The following UBAP1 variants were observed in gnomAD, a reference collection of about 807,000 sequenced individuals.
UBAP1 encodes the protein ubiquitin associated protein 1.
In UBAP1, 5 loss-of-function variants were observed where a neutral mutation model predicts 39.0. The observed-to-expected ratio is 0.13, with a 90% confidence interval of 0.07 to 0.27. The LOEUF (loss-of-function observed/expected upper bound fraction) is 0.27. Ranked by LOEUF, UBAP1 falls within the 10% of genes least tolerant of loss-of-function variation. UBAP1 has a pLI of 1.00. For synonymous variants in UBAP1, 211 were observed against 225.1 expected (o/e 0.94, Z 0.56); for missense variants, 490 against 608.1 (o/e 0.81, Z 2.04).
intron 1 of UBAP1, among the ~76,000 whole-genome samples, chr9:34,220,696 C>T (rs1832710553): frequency 3.3e-5 from 5 of 151,960 alleles, no homozygotes; most frequent in African/African-American, 4.8e-5. Flanking sequence ...TTCTTGAGCT[C>T]AAGTGATCCT....
At chr9:34,196,643 CTA>C (rs1831077031) in intron 1 of UBAP1, among the ~76,000 whole-genome samples, 1 of 151,850 alleles carries the variant, frequency 6.6e-6, no homozygotes, top group Admixed American at 6.6e-5. Flanking sequence ...CACGGTCTCA[CTA>C]TGTTGCCCTG....
chr9:34,219,637 A>G (rs1227241088), intron 1 of UBAP1, among the ~76,000 whole-genome samples: 1 of 149,998 alleles, frequency 6.7e-6, no homozygotes, highest in East Asian at 2.0e-4. Flanking sequence ...CCCTAATCTG[A>G]AAAAAATGCC....
intron 2 of UBAP1, among the ~76,000 whole-genome samples, chr9:34,225,892 A>G (rs971331425): frequency 2.0e-5 from 3 of 152,046 alleles, no homozygotes; most frequent in Non-Finnish European, 2.9e-5. Flanking sequence ...ACTCTAATTT[A>G]TGAAAAAATA....
chr9:34,236,140 G>A (rs1323080919), intron 3 of UBAP1, among the ~76,000 whole-genome samples: 7 of 152,060 alleles, frequency 4.6e-5, no homozygotes, highest in East Asian at 1.9e-4. Flanking sequence ...GATTACAAGC[G>A]TGAGCCACTG....
chr9:34,249,754 C>CTTAATCTTCTTG, intron 4 of UBAP1, 25 bp from the exon 5 acceptor site: 1 of 1,611,138 alleles, frequency 6.2e-7, no homozygotes, highest in Non-Finnish European at 8.5e-7. Flanking sequence ...GTCTTCTTGC[C>CTTAATCTTCTTG]TTAATCTTCT....
chr9:34,201,884 TTTAGGTTTAA>T (rs1831393250), intron 1 of UBAP1, among the ~76,000 whole-genome samples: 1 of 152,182 alleles, frequency 6.6e-6, no homozygotes, highest in Non-Finnish European at 1.5e-5. Flanking sequence ...CGGTCCTCTC[TTTAGGTTTAA>T]TTTGCCAGAG....
chr9:34,218,840 G>C (rs1036758320), intron 1 of UBAP1, among the ~76,000 whole-genome samples: 9 of 152,154 alleles, frequency 5.9e-5, no homozygotes, highest in Non-Finnish European at 5.9e-5. Context: ...GGGAAGCTGA[G>C]GCATGAGAAT....
intron 2 of UBAP1, among the ~76,000 whole-genome samples, chr9:34,225,994 A>G (rs776649644): frequency 1.8e-4 from 28 of 152,142 alleles, no homozygotes; most frequent in South Asian, 1.0e-3. Context: ...ACATATTTAC[A>G]TGTTTAATGT....
intron 1 of UBAP1, among the ~76,000 whole-genome samples, chr9:34,202,509 AG>A (rs1488000743): frequency 1.3e-5 from 2 of 151,936 alleles, no homozygotes; most frequent in African/African-American, 4.8e-5. Flanking sequence ...AGTTGAAGGG[AG>A]GGTGGGAAAA....
chr9:34,206,537 T>G (rs1055426592), intron 1 of UBAP1, among the ~76,000 whole-genome samples: 1 of 146,922 alleles, frequency 6.8e-6, no homozygotes, highest in Non-Finnish European at 1.5e-5. Context: ...AAAGTAAGAC[T>G]AAAATCAGTT....
intron 2 of UBAP1, among the ~76,000 whole-genome samples, chr9:34,229,847 G>A (rs1354994968): frequency 6.6e-6 from 1 of 151,876 alleles, no homozygotes; most frequent in African/African-American, 2.4e-5. Flanking sequence ...CCTAATTTTT[G>A]TATTTTTAGT....
At chr9:34,223,197 G>A (rs941782104) in intron 2 of UBAP1, among the ~76,000 whole-genome samples, 2 of 152,096 alleles carry the variant, frequency 1.3e-5, no homozygotes, top group African/African-American at 4.8e-5. Flanking sequence ...TTGGGAGGCC[G>A]AGGCGGGCGG....
intron 2 of UBAP1, among the ~76,000 whole-genome samples, chr9:34,231,220 G>GTCTTTATTTA (rs1198560912): frequency 2.0e-5 from 3 of 150,304 alleles, no homozygotes; most frequent in Non-Finnish European, 4.4e-5. Flanking sequence ...ATAAAAGCAT[G>GTCTTTATTTA]TCTTTATTTA....
intron 1 of UBAP1, among the ~76,000 whole-genome samples, chr9:34,197,892 G>C (rs1347702402): frequency 2.0e-5 from 3 of 152,188 alleles, no homozygotes; most frequent in Non-Finnish European, 4.4e-5. Context: ...GTTGGTTTCT[G>C]TGCATTTGAG....
rs1189858268 is a variant in UBAP1, at chr9:34,241,445, G to T, written c.420G>T (p.Thr140=). 6.2e-7 allele frequency: 1 copy of T among 1,605,906 alleles called. No homozygotes were observed. Among genetic ancestry groups the T allele is most frequent in the African/African-American group, 1.3e-5 (1 of 74,758 alleles). Residue 140 remains threonine, a synonymous_variant, in exon 4 of 7, where the codon ACG becomes ACT. Coordinates refer to ENST00000297661, the MANE Select transcript of UBAP1 (RefSeq NM_016525.5). ...CAACTCGGGTCAGCAGTAGTGCCAC[G>T]AAACAGAAAGTTCTCAGCCCACCTC... is the stretch of plus-strand genomic sequence containing the variant. ...LTPTRVSSSA[T]KQKVLSPPHI...
At chr9:34,235,826 CTT>C (rs1209543348) in intron 3 of UBAP1, among the ~76,000 whole-genome samples, 2 of 138,250 alleles carry the variant, frequency 1.4e-5, no homozygotes, top group Admixed American at 7.3e-5. Flanking sequence ...CATTTTTAAT[CTT>C]TTTTTTTTTT....
intron 4 of UBAP1, among the ~76,000 whole-genome samples, chr9:34,244,187 C>T (rs953016887): frequency 6.6e-6 from 1 of 152,038 alleles, no homozygotes; most frequent in Admixed American, 6.6e-5. Flanking sequence ...CACCAGCCCC[C>T]GACTACTACC....
intron 1 of UBAP1, among the ~76,000 whole-genome samples, chr9:34,200,583 T>C (rs961491363): frequency 6.6e-6 from 1 of 152,226 alleles, no homozygotes; most frequent in African/African-American, 2.4e-5. Flanking sequence ...CTATATGCTT[T>C]AGAATTTTTC....
chr9:34,186,895 T>G (rs10971982), intron 1 of UBAP1, among the ~76,000 whole-genome samples: 4,672 of 151,358 alleles, frequency 0.031, 236 homozygotes, highest in African/African-American at 0.11. Flanking sequence ...GTGTTTTGTG[T>G]TTTTTTTTAT....
Sources: gnomAD v4.1 joint callset for allele counts (sites outside exome capture counted in the v4.1 genomes callset) on GRCh38, gnomAD v4.1.1 for gene constraint, MANE v1.5 for transcripts, NCBI Gene and HGNC (gene_info 2026-07-23, HGNC 2026-07-21) for gene names.